The following PCSK6 variants were observed in gnomAD, a reference collection of about 807,000 sequenced individuals.
PCSK6 encodes the protein proprotein convertase subtilisin/kexin type 6.
A neutral mutation model predicts 123.3 loss-of-function variants in PCSK6; 85 were observed. The observed-to-expected ratio is 0.69, with a 90% CI of 0.58 to 0.83. PCSK6 has a LOEUF of 0.83. PCSK6 is among the 40% of genes least tolerant of loss of function. PCSK6 has a pLI of 0.00. For missense variants in PCSK6, 1,191 were observed against 1,282.3 expected, an observed-to-expected ratio of 0.93 and a Z score of 1.09; for synonymous variants, 508 against 516.0, an observed-to-expected ratio of 0.98 and a Z score of 0.21.
intron 12 of PCSK6, among the ~76,000 whole-genome samples, chr15:101,367,422 A>G (rs1013425978): frequency 3.3e-5 from 5 of 152,234 alleles, no homozygotes; most frequent in Non-Finnish European, 5.9e-5. Context: ...TCAATTTCCA[A>G]TCTGGGGGTT....
chr15:101,462,989 C>T (rs957666197), intron 1 of PCSK6: 29 of 456,384 alleles, frequency 6.4e-5, no homozygotes, highest in Non-Finnish European at 1.1e-4. Context: ...AGAGGAGGGC[C>T]GTTTCCTCCT....
intron 13 of PCSK6, among the ~76,000 whole-genome samples, chr15:101,335,302 T>C (rs11856941): frequency 0.012 from 1,760 of 152,344 alleles, 30 homozygotes; most frequent in African/African-American, 0.04. Context: ...TACCTGTTCA[T>C]ATATAAACAT....
intron 1 of PCSK6, among the ~76,000 whole-genome samples, chr15:101,481,737 T>C (rs2057891192): frequency 6.6e-6 from 1 of 152,130 alleles, no homozygotes; most frequent in Admixed American, 6.5e-5. Context: ...GGTCTCTTCT[T>C]GTAGACAGGG....
Position 101,316,886 on chromosome 15 carries a change from C to A in PCSK6, c.2569+1433G>T, listed in dbSNP as rs117850920. On this transcript the variant is annotated intron_variant, in intron 19 of 21. Coordinates refer to ENST00000611716, the MANE Select transcript of PCSK6 (RefSeq NM_002570.5). ...CTGAGGCACAGTAGTATCATGGAAACTGGTTTAGCAGAGACTTAATTCTGT... is the reference window on the plus strand; with the variant it reads ...CTGAGGCACAGTAGTATCATGGAAAATGGTTTAGCAGAGACTTAATTCTGT... 6.9e-4 allele frequency among the ~76,000 whole-genome samples: 101 copies of A among 147,038 alleles called. No individual in the cohort carries two copies. The East Asian group carries it at 0.018, about 26-fold the overall frequency.
At chr15:101,359,771 C>A (rs1165922009) in intron 13 of PCSK6, among the ~76,000 whole-genome samples, 1 of 152,256 alleles carries the variant, frequency 6.6e-6, no homozygotes, top group Non-Finnish European at 1.5e-5. Flanking sequence ...CACCCACACG[C>A]AACAGGCTCC....
In PCSK6 at chr15:101,489,164, C is replaced by A. The variant is rs1195130508; in HGVS notation, c.297+210G>T. On this transcript the variant is annotated intron_variant, in intron 1 of 21. Coordinates refer to ENST00000611716, the MANE Select transcript of PCSK6 (RefSeq NM_002570.5). ...GCGCCCACGCGGGACCCCAGTCCCC[C>A]CCACCCCGCCGAGTGTCCCGCGCGC... Among the ~76,000 whole-genome samples, 14 of 88,572 alleles carry A rather than the reference C, an allele frequency of 1.6e-4. 1 individual carries two copies. Among genetic ancestry groups the A allele is most frequent in the Non-Finnish European group, 2.9e-4 (11 of 38,560 alleles). The allele number at this position is 88,572 out of a possible 152,430, so 58.1% of individuals were successfully genotyped here.
At chr15:101,340,442 G>C (rs1261696230) in intron 13 of PCSK6, among the ~76,000 whole-genome samples, 1 of 151,932 alleles carries the variant, frequency 6.6e-6, no homozygotes, top group African/African-American at 2.4e-5. Context: ...GCATCTATAA[G>C]GTCATTCTAT....
At chr15:101,310,542 T>A (rs747992258) in intron 20 of PCSK6, among the ~76,000 whole-genome samples, 1 of 152,256 alleles carries the variant, frequency 6.6e-6, no homozygotes, top group Non-Finnish European at 1.5e-5. Flanking sequence ...ATGAAGGGTT[T>A]AACTTCAGAC....
At chr15:101,431,121 C>G (rs1369688827) in intron 4 of PCSK6, among the ~76,000 whole-genome samples, 199 bp downstream of exon 4, 1 of 152,220 alleles carries the variant, frequency 6.6e-6, no homozygotes, top group African/African-American at 2.4e-5. Flanking sequence ...GTGGATGAAT[C>G]CCTCTGCAAA....
Position 101,410,111 on chromosome 15 carries a change from T to C in PCSK6, c.824-11535A>G, listed in dbSNP as rs181559187. Among the ~76,000 whole-genome samples, 32 of 152,290 alleles carry C rather than the reference T, an allele frequency of 2.1e-4. 1 individual carries two copies. Among genetic ancestry groups the C allele is most frequent in the Admixed American group, 2.0e-3 (30 of 15,300 alleles). On this transcript the variant is annotated intron_variant, in intron 6 of 21. Transcript: ENST00000611716. ...CCATGCCTGGCTAATTTTTAAATTG[T>C]TTGTAGACACAGGGTCTCACTATGT...
chr15:101,352,039 T>C (rs2040903406), intron 13 of PCSK6, among the ~76,000 whole-genome samples: 1 of 151,820 alleles, frequency 6.6e-6, no homozygotes, highest in African/African-American at 2.4e-5. Context: ...TCTGACCCTT[T>C]ACAGAAAAAG....
chr15:101,318,924 A>G (rs2040054594), intron 18 of PCSK6, among the ~76,000 whole-genome samples: 1 of 152,216 alleles, frequency 6.6e-6, no homozygotes, highest in African/African-American at 2.4e-5. Context: ...ACTTGAAATA[A>G]GACGCCCTCT....
intron 2 of PCSK6, among the ~76,000 whole-genome samples, chr15:101,436,348 A>G (rs899893648): frequency 5.9e-5 from 9 of 152,230 alleles, no homozygotes; most frequent in African/African-American, 2.2e-4. Flanking sequence ...TCTTTGAAGT[A>G]CGCACCGGCA....
chr15:101,323,420 C>T (rs945083464), intron 17 of PCSK6, among the ~76,000 whole-genome samples: 1 of 152,228 alleles, frequency 6.6e-6, no homozygotes, highest in South Asian at 2.1e-4. Flanking sequence ...TCTTGCATGA[C>T]TTTTTGTTTC....
intron 1 of PCSK6, among the ~76,000 whole-genome samples, chr15:101,480,142 G>A (rs9920198): frequency 0.022 from 3,368 of 152,278 alleles, 136 homozygotes; most frequent in African/African-American, 0.075. Context: ...TCAGAGCTTC[G>A]GTAGTCTGCT....
chr15:101,407,632 C>T (rs1474158452), intron 6 of PCSK6, among the ~76,000 whole-genome samples: 1 of 152,186 alleles, frequency 6.6e-6, no homozygotes, highest in African/African-American at 2.4e-5. Context: ...TGAAATTATT[C>T]AGCCTAGCTG....
intron 17 of PCSK6, among the ~76,000 whole-genome samples, chr15:101,323,136 C>T (rs1181028516): frequency 6.6e-6 from 1 of 152,218 alleles, no homozygotes; most frequent in Non-Finnish European, 1.5e-5. Flanking sequence ...TCTGGGTTGG[C>T]GCCTCATGAA....
intron 9 of PCSK6, among the ~76,000 whole-genome samples, chr15:101,385,170 C>T (rs768517448): frequency 2.4e-5 from 2 of 81,748 alleles, no homozygotes; most frequent in African/African-American, 6.3e-5. Flanking sequence ...GTGTGCACCA[C>T]CACACCCGGC....
chr15:101,441,944 C>T (rs1407216575), intron 2 of PCSK6, among the ~76,000 whole-genome samples: 1 of 152,228 alleles, frequency 6.6e-6, no homozygotes, highest in Non-Finnish European at 1.5e-5. Flanking sequence ...ATGACGGTCT[C>T]TCAACCGCAC....
Sources: allele counts gnomAD v4.1 joint callset (sites outside exome capture counted in the v4.1 genomes callset), GRCh38; gene constraint gnomAD v4.1.1; transcripts MANE v1.5; gene names NCBI Gene and HGNC (gene_info 2026-07-23, HGNC 2026-07-21).